CADM2: variants seen among roughly 807,000 people sequenced by gnomAD.
The protein encoded by CADM2 is cell adhesion molecule 2.
In CADM2, 12 loss-of-function variants were observed where a neutral mutation model predicts 49.8. The observed-to-expected ratio is 0.24, with a 90% confidence interval of 0.15 to 0.39. The LOEUF (loss-of-function observed/expected upper bound fraction) is 0.39. CADM2 is among the 10% of genes least tolerant of loss of function. The pLI, the probability that CADM2 is intolerant of heterozygous loss-of-function variation, is 1.00. For missense variants in CADM2, 378 were observed against 492.3 expected (o/e 0.77, Z 2.20); for synonymous variants, 214 against 175.4 (o/e 1.22, Z -1.74).
intron 7 of CADM2, among the ~76,000 whole-genome samples, chr3:85,958,317 G>A (rs1400311729): frequency 4.6e-5 from 7 of 151,984 alleles, no homozygotes; most frequent in Admixed American, 2.0e-4. Flanking sequence ...GCAAGGCTGT[G>A]GAGAAATAGG....
At chr3:84,971,875 A>G (rs1484823350) in intron 1 of CADM2, among the ~76,000 whole-genome samples, 3 of 152,056 alleles carry the variant, frequency 2.0e-5, no homozygotes, top group Non-Finnish European at 4.4e-5. Context: ...ATGATGGAGT[A>G]TAGAGGTGGA....
rs967662779 is a variant in CADM2 at position 85,548,055 on chromosome 3, G to A, written c.62-178467G>A. 6.6e-5 allele frequency among the ~76,000 whole-genome samples: 10 copies of A among 151,700 alleles called. No individual in the cohort carries two copies. In the East Asian group the frequency reaches 2.0e-3, roughly 30 times the overall value. On this transcript the variant is annotated intron_variant, in intron 1 of 9. Coordinates refer to ENST00000383699, the MANE Select transcript of CADM2 (RefSeq NM_001167675.2). ...AGTCCTCAGTTGTAAACTAGCCTCC[G>A]TCACTTACTAGCTGTGTTAACTAGA...
intron 1 of CADM2, among the ~76,000 whole-genome samples, chr3:85,054,374 A>G (rs756330060): frequency 6.6e-6 from 1 of 152,072 alleles, no homozygotes; most frequent in African/African-American, 2.4e-5. Flanking sequence ...GAAGACTTCA[A>G]TGAACTGAGA....
intron 1 of CADM2, among the ~76,000 whole-genome samples, chr3:85,575,064 C>T (rs186257710): frequency 1.0e-3 from 152 of 152,242 alleles, no homozygotes; most frequent in African/African-American, 3.5e-3. Flanking sequence ...GCCCCTCCTT[C>T]CCCATCAGTG....
intron 1 of CADM2, among the ~76,000 whole-genome samples, chr3:85,381,904 G>C (rs371480685): frequency 1.3e-5 from 2 of 151,870 alleles, no homozygotes; most frequent in African/African-American, 2.4e-5. Context: ...TGTCAGAAAG[G>C]CTCAGAAAAA....
At chr3:85,380,320 A>C (rs1323054993) in intron 1 of CADM2, among the ~76,000 whole-genome samples, 1 of 151,972 alleles carries the variant, frequency 6.6e-6, no homozygotes, top group East Asian at 1.9e-4. Flanking sequence ...TTATATACAC[A>C]ATATATAAAT....
intron 1 of CADM2, among the ~76,000 whole-genome samples, chr3:85,087,875 G>T (rs1320141298): frequency 6.6e-6 from 1 of 151,986 alleles, no homozygotes; most frequent in African/African-American, 2.4e-5. Flanking sequence ...TTTTTCCAAA[G>T]TTCCCTTACC....
At chr3:85,346,512 G>A (rs2030665401) in intron 1 of CADM2, among the ~76,000 whole-genome samples, 1 of 152,122 alleles carries the variant, frequency 6.6e-6, no homozygotes, top group East Asian at 1.9e-4. Context: ...CTTGTATTTT[G>A]TTCTATTGTT....
intron 1 of CADM2, among the ~76,000 whole-genome samples, chr3:84,986,743 T>TA (rs2032581567): frequency 6.8e-6 from 1 of 148,012 alleles, no homozygotes; most frequent in Non-Finnish European, 1.5e-5. Flanking sequence ...CCCTAAAACT[T>TA]AAAGTATAAT....
At chr3:85,759,662 A>C (rs2069282318) in intron 2 of CADM2, among the ~76,000 whole-genome samples, 1 of 152,134 alleles carries the variant, frequency 6.6e-6, no homozygotes, top group African/African-American at 2.4e-5. Context: ...ACTGTAACTT[A>C]GTTAGATTGC....
chr3:85,163,814 A>G (rs2040396519), intron 1 of CADM2, among the ~76,000 whole-genome samples: 1 of 152,040 alleles, frequency 6.6e-6, no homozygotes, highest in Admixed American at 6.6e-5. Context: ...AAAGTGTACA[A>G]TCCATATGGT....
chr3:85,119,998 T>A (rs1304393161), intron 1 of CADM2, among the ~76,000 whole-genome samples: 2 of 152,026 alleles, frequency 1.3e-5, no homozygotes, highest in Non-Finnish European at 2.9e-5. Flanking sequence ...AAGAATAAAA[T>A]AAACAATCCC....
intron 3 of CADM2, among the ~76,000 whole-genome samples, chr3:85,811,234 A>C (rs527668863): frequency 6.6e-6 from 1 of 152,280 alleles, no homozygotes; most frequent in South Asian, 2.1e-4. Context: ...TCAAAGTGAC[A>C]TTTTCTACAA....
At chr3:85,117,621 C>A (rs897152165) in intron 1 of CADM2, among the ~76,000 whole-genome samples, 7 of 152,040 alleles carry the variant, frequency 4.6e-5, no homozygotes, top group African/African-American at 1.4e-4. Flanking sequence ...AAATGATAAA[C>A]ATAATATCAC....
At chr3:86,046,155 A>G (rs547548479) in intron 8 of CADM2, among the ~76,000 whole-genome samples, 26 of 152,098 alleles carry the variant, frequency 1.7e-4, no homozygotes, top group Middle Eastern at 6.8e-3. Flanking sequence ...TGATACCATA[A>G]CGTGCTGTAT....
At chr3:85,297,189 GT>G in intron 1 of CADM2, among the ~76,000 whole-genome samples, 1 of 134,056 alleles carries the variant, frequency 7.5e-6, no homozygotes, top group African/African-American at 4.1e-5. Flanking sequence ...CGTCAGATAA[GT>G]TAAGTAATTT....
At chr3:85,686,035 T>G (rs2066204457) in intron 1 of CADM2, among the ~76,000 whole-genome samples, 1 of 152,216 alleles carries the variant, frequency 6.6e-6, no homozygotes, top group African/African-American at 2.4e-5. Context: ...TTTGTTTCTG[T>G]TTAGAGGCAC....
chr3:85,913,359 T>C (rs577227631), intron 6 of CADM2, among the ~76,000 whole-genome samples: 1 of 152,326 alleles, frequency 6.6e-6, no homozygotes, highest in Admixed American at 6.5e-5. Flanking sequence ...AGATAATATG[T>C]TCTGAATTGC....
intron 1 of CADM2, among the ~76,000 whole-genome samples, chr3:85,046,771 T>A (rs1443510635): frequency 1.3e-5 from 2 of 152,090 alleles, no homozygotes; most frequent in Non-Finnish European, 2.9e-5. Context: ...TTCCAAGGAT[T>A]ACCTCACAAA....
Sources: gnomAD v4.1 joint callset for allele counts (sites outside exome capture counted in the v4.1 genomes callset) on GRCh38, gnomAD v4.1.1 for gene constraint, MANE v1.5 for transcripts, NCBI Gene and HGNC (gene_info 2026-07-23, HGNC 2026-07-21) for gene names.